Variants in CENPW observed in about 807,000 individuals in gnomAD.
CENPW encodes the protein cancer-up-regulated gene 2 protein.
Under a neutral mutation model 11.1 loss-of-function variants are expected in CENPW, and 3 were observed. That is an observed-to-expected ratio of 0.27 (90% confidence interval 0.12 to 0.70). The LOEUF (loss-of-function observed/expected upper bound fraction) is 0.70. Ranked by LOEUF, CENPW falls within the 30% of genes least tolerant of loss-of-function variation. CENPW has a pLI of 0.77. For synonymous variants in CENPW, 38 were observed against 42.0 expected (o/e 0.91, Z 0.37); for missense variants, 100 against 105.6 (o/e 0.95, Z 0.23).
the CENPW span, among the ~76,000 whole-genome samples, chr6:126,467,647 T>G: frequency 2.6e-5 from 4 of 151,970 alleles, no homozygotes; most frequent in Admixed American, 6.6e-5. Flanking sequence ...AATAAATAAA[T>G]AAATAAATGT....
chr6:126,375,036 A>G, the CENPW span, among the ~76,000 whole-genome samples: 2 of 152,180 alleles, frequency 1.3e-5, no homozygotes, highest in African/African-American at 4.8e-5. Flanking sequence ...TTTATGACAA[A>G]GCTTTTATAA....
chr6:126,417,472 A>G, the CENPW span, among the ~76,000 whole-genome samples: 4 of 152,172 alleles, frequency 2.6e-5, no homozygotes, highest in African/African-American at 9.7e-5. Flanking sequence ...AGAATGATAT[A>G]GTTTAGCTCT....
rs36034693 is a variant in CENPW, at chr6:126,341,354, C to T, written c.126+955C>T. Among the ~76,000 whole-genome samples, 1,460 of 152,254 alleles carry T rather than the reference C, an allele frequency of 9.6e-3. 10 individuals carry two copies. The highest frequency in any genetic ancestry group is 0.016 in the Non-Finnish European group (1,061 of 68,024). Reference sequence around the variant, plus strand: ...AATTGTGGATAATAAGAGCATACTGCATGAATCATCCTAGCTGTTCTTAAA... The same window carrying T: ...AATTGTGGATAATAAGAGCATACTGTATGAATCATCCTAGCTGTTCTTAAA... On this transcript the variant is annotated intron_variant, in intron 1 of 2. Transcript: ENST00000368328.
chr6:126,477,840 T>C, the CENPW span, among the ~76,000 whole-genome samples: 1 of 152,062 alleles, frequency 6.6e-6, no homozygotes, highest in Admixed American at 6.6e-5. Flanking sequence ...TTCTAGAACA[T>C]GTCCTGTCTA....
At chr6:126,457,557 C>T in the CENPW span, among the ~76,000 whole-genome samples, 1 of 151,116 alleles carries the variant, frequency 6.6e-6, no homozygotes, top group African/African-American at 2.4e-5. Flanking sequence ...CTGGGGCCTA[C>T]TGTAATCATT....
chr6:126,469,595 G>T, the CENPW span, among the ~76,000 whole-genome samples: 2 of 152,116 alleles, frequency 1.3e-5, no homozygotes, highest in African/African-American at 4.8e-5. Flanking sequence ...AGTTAGGAGG[G>T]GTCAGAAGAA....
At chr6:126,403,454 T>C in the CENPW span, among the ~76,000 whole-genome samples, 1 of 152,078 alleles carries the variant, frequency 6.6e-6, no homozygotes, top group Non-Finnish European at 1.5e-5. Flanking sequence ...ATTGCTGATA[T>C]GCAGAAAATT....
the CENPW span, among the ~76,000 whole-genome samples, chr6:126,385,781 C>G: frequency 6.6e-6 from 1 of 152,084 alleles, no homozygotes; most frequent in Non-Finnish European, 1.5e-5. Flanking sequence ...CTTGCTTCCC[C>G]TTCGCTTTCT....
chr6:126,364,019 C>T, the CENPW span, among the ~76,000 whole-genome samples: 1 of 152,136 alleles, frequency 6.6e-6, no homozygotes, highest in Non-Finnish European at 1.5e-5. Context: ...CATAATAGCA[C>T]AGAGTTAATT....
At chr6:126,369,191 G>T in the CENPW span, among the ~76,000 whole-genome samples, 1 of 151,998 alleles carries the variant, frequency 6.6e-6, no homozygotes, top group African/African-American at 2.4e-5. Flanking sequence ...CTCGTTGATA[G>T]ATGTGCATTT....
the CENPW span, among the ~76,000 whole-genome samples, chr6:126,370,609 A>G: frequency 6.6e-6 from 1 of 151,974 alleles, no homozygotes; most frequent in South Asian, 2.1e-4. Flanking sequence ...GTGTACATTA[A>G]TTGTGTATCC....
chr6:126,431,487 C>T, the CENPW span, among the ~76,000 whole-genome samples: 1 of 152,164 alleles, frequency 6.6e-6, no homozygotes, highest in Non-Finnish European at 1.5e-5. Context: ...ACTTCAAATG[C>T]ATTTCCTCTG....
At chr6:126,430,935 A>G in the CENPW span, among the ~76,000 whole-genome samples, 1 of 152,080 alleles carries the variant, frequency 6.6e-6, no homozygotes, top group Non-Finnish European at 1.5e-5. Flanking sequence ...AAAATAAACA[A>G]ATAAAAAATA....
At chr6:126,386,903 T>C in the CENPW span, among the ~76,000 whole-genome samples, 1 of 151,960 alleles carries the variant, frequency 6.6e-6, no homozygotes, top group African/African-American at 2.4e-5. Flanking sequence ...AAAAATTACA[T>C]TCTGTGCCCT....
the CENPW span, among the ~76,000 whole-genome samples, chr6:126,403,467 A>G: frequency 1.3e-5 from 2 of 152,124 alleles, no homozygotes; most frequent in African/African-American, 4.8e-5. Context: ...AGAAAATTTT[A>G]GTGGTCTGAA....
the CENPW span, among the ~76,000 whole-genome samples, chr6:126,396,303 C>T: frequency 6.6e-6 from 1 of 152,134 alleles, no homozygotes; most frequent in South Asian, 2.1e-4. Context: ...TTTCCACAGG[C>T]AGATGAGCCA....
chr6:126,390,048 A>G, the CENPW span, among the ~76,000 whole-genome samples: 1 of 151,944 alleles, frequency 6.6e-6, no homozygotes, highest in East Asian at 1.9e-4. Context: ...AGGGAAGGAC[A>G]ACATATTTCT....
At chr6:126,346,657 C>A (rs1365241446) in intron 2 of CENPW, among the ~76,000 whole-genome samples, 1 of 152,032 alleles carries the variant, frequency 6.6e-6, no homozygotes, top group Non-Finnish European at 1.5e-5. Context: ...TTGTATTAGT[C>A]CATTTTCACA....
At chr6:126,469,901 T>G in the CENPW span, among the ~76,000 whole-genome samples, 1 of 152,160 alleles carries the variant, frequency 6.6e-6, no homozygotes, top group East Asian at 1.9e-4. Flanking sequence ...CCTCACTGAT[T>G]CTGAAAGTGC....
Sources: gnomAD v4.1 joint callset for allele counts (sites outside exome capture counted in the v4.1 genomes callset) on GRCh38, gnomAD v4.1.1 for gene constraint, MANE v1.5 for transcripts, NCBI Gene and HGNC (gene_info 2026-07-23, HGNC 2026-07-21) for gene names.